The following PCDH9 variants were observed in gnomAD, a reference collection of about 807,000 sequenced individuals.
PCDH9 encodes protocadherin 9.
PCDH9 carries 24 observed loss-of-function variants against 70.6 expected under a neutral mutation model. The ratio of observed to expected loss-of-function variants is 0.34; its 90% CI spans 0.25 to 0.48. The LOEUF (loss-of-function observed/expected upper bound fraction) is 0.48, where lower values mean the gene tolerates loss of function less well. Among genes scored for constraint, PCDH9 ranks in the 20% least tolerant of loss-of-function variants. PCDH9 has a pLI of 0.99. For synonymous variants in PCDH9, 562 were observed against 558.5 expected (o/e 1.01, Z -0.09); for missense variants, 1,281 against 1,503.6 (o/e 0.85, Z 2.45).
At chr13:66,793,525 T>C (rs2080193449) in intron 3 of PCDH9, among the ~76,000 whole-genome samples, 1 of 152,166 alleles carries the variant, frequency 6.6e-6, no homozygotes, top group Non-Finnish European at 1.5e-5. Flanking sequence ...GAAATGTATC[T>C]AAACAACTTT....
chr13:66,785,968 G>T (rs1362678929), intron 3 of PCDH9, among the ~76,000 whole-genome samples: 2 of 152,008 alleles, frequency 1.3e-5, no homozygotes, highest in Non-Finnish European at 2.9e-5. Context: ...AAACAACTAG[G>T]TAACAATTTT....
chr13:66,765,389 G>T (rs1004192820), intron 3 of PCDH9, among the ~76,000 whole-genome samples: 1 of 151,896 alleles, frequency 6.6e-6, no homozygotes, highest in Non-Finnish European at 1.5e-5. Flanking sequence ...ACATGCTAAT[G>T]TCTTATACTT....
chr13:66,338,360 A>C (rs991842262), intron 4 of PCDH9, among the ~76,000 whole-genome samples: 1 of 152,044 alleles, frequency 6.6e-6, no homozygotes, highest in African/African-American at 2.4e-5. Context: ...ATCCCTAGTG[A>C]GTATTAATTT....
At chr13:66,989,791 TAAAG>T (rs2083965012) in intron 2 of PCDH9, among the ~76,000 whole-genome samples, 1 of 151,798 alleles carries the variant, frequency 6.6e-6, no homozygotes, top group African/African-American at 2.4e-5. Flanking sequence ...CAGAGAATAT[TAAAG>T]AACAGGGTGA....
chr13:67,020,178 T>A (rs2084647984), intron 2 of PCDH9, among the ~76,000 whole-genome samples: 1 of 152,062 alleles, frequency 6.6e-6, no homozygotes, highest in Non-Finnish European at 1.5e-5. Context: ...ACAAACAGAA[T>A]CTATCTATGG....
intron 2 of PCDH9, among the ~76,000 whole-genome samples, chr13:67,036,187 T>C (rs1046816762): frequency 6.6e-6 from 1 of 152,212 alleles, no homozygotes; most frequent in Non-Finnish European, 1.5e-5. Context: ...TCAGATACAA[T>C]TGTAGGAAGA....
chr13:66,642,031 G>T (rs2077715523), intron 3 of PCDH9, among the ~76,000 whole-genome samples: 1 of 151,774 alleles, frequency 6.6e-6, no homozygotes, highest in Non-Finnish European at 1.5e-5. Flanking sequence ...ATGTAAGTGA[G>T]GAATAAAATA....
chr13:66,689,444 G>C (rs1280808681), intron 3 of PCDH9, among the ~76,000 whole-genome samples: 2 of 152,154 alleles, frequency 1.3e-5, no homozygotes, highest in Admixed American at 6.5e-5. Context: ...TGGAGTACAT[G>C]ACAGCTTAGA....
At chr13:66,962,601 C>A (rs941784885) in intron 2 of PCDH9, among the ~76,000 whole-genome samples, 2 of 152,088 alleles carry the variant, frequency 1.3e-5, no homozygotes, top group Non-Finnish European at 2.9e-5. Flanking sequence ...GCAATCATAA[C>A]AAAGTGGTAT....
intron 4 of PCDH9, among the ~76,000 whole-genome samples, chr13:66,482,932 A>T (rs1958867344): frequency 6.6e-6 from 1 of 152,144 alleles, no homozygotes; most frequent in Non-Finnish European, 1.5e-5. Context: ...ACCTTTTTCT[A>T]AGGGCCTCTA....
At chr13:66,970,824 T>A (rs1427846171) in intron 2 of PCDH9, among the ~76,000 whole-genome samples, 3 of 151,920 alleles carry the variant, frequency 2.0e-5, no homozygotes, top group Non-Finnish European at 4.4e-5. Flanking sequence ...CCATTATACA[T>A]ACAAGTCACT....
intron 2 of PCDH9, among the ~76,000 whole-genome samples, chr13:66,942,003 G>A (rs553396078): frequency 2.8e-4 from 43 of 151,922 alleles, no homozygotes; most frequent in African/African-American, 9.9e-4. Flanking sequence ...AAAAATCAGC[G>A]ACAGAAGGAC....
intron 2 of PCDH9, among the ~76,000 whole-genome samples, chr13:67,136,203 T>C (rs2087228548): frequency 6.6e-6 from 1 of 152,136 alleles, no homozygotes; most frequent in Non-Finnish European, 1.5e-5. Context: ...TAGAATTCAG[T>C]ACAGTAACAT....
intron 4 of PCDH9, among the ~76,000 whole-genome samples, chr13:66,412,131 C>T (rs1957381023): frequency 6.6e-6 from 1 of 152,148 alleles, no homozygotes; most frequent in Non-Finnish European, 1.5e-5. Context: ...TCATAAAACT[C>T]TGAGTTTTGA....
At chr13:67,109,950 T>C (rs1487667430) in intron 2 of PCDH9, among the ~76,000 whole-genome samples, 1 of 152,134 alleles carries the variant, frequency 6.6e-6, no homozygotes, top group Non-Finnish European at 1.5e-5. Flanking sequence ...GAGTGACCAC[T>C]TATTATGTAT....
chr13:66,812,566 C>G (rs1057289123), intron 3 of PCDH9, among the ~76,000 whole-genome samples: 2 of 152,132 alleles, frequency 1.3e-5, no homozygotes, highest in Admixed American at 1.3e-4. Context: ...ATTTCACTGC[C>G]TAGGGCACTG....
intron 2 of PCDH9, chr13:67,214,933 CAGATATATATAT>C (rs2089555771): frequency 3.8e-5 from 1 of 26,130 alleles, no homozygotes; most frequent in African/African-American, 1.2e-4. Context: ...TATTGCGAGC[CAGATATATATAT>C]ATATATATAT....
intron 3 of PCDH9, among the ~76,000 whole-genome samples, chr13:66,864,808 C>T (rs2081543347): frequency 6.6e-6 from 1 of 152,126 alleles, no homozygotes; most frequent in Non-Finnish European, 1.5e-5. Context: ...TTTTGTGCAT[C>T]GTTTTAAAAA....
rs935612530 is a variant in PCDH9, at chr13:67,048,247, C to A, written c.3037-144642G>T. On this transcript the variant is annotated intron_variant, in intron 2 of 4. Coordinates refer to ENST00000377865, the MANE Select transcript of PCDH9 (RefSeq NM_203487.3). ...TAGTGGCTGAAAATGGCATGGAAAC[C>A]AGTGTTTAATAGCTTGACTGGGTAT... Among the ~76,000 whole-genome samples the A allele has an allele frequency of 2.0e-5, 3 of 152,268 alleles. No individual in the cohort carries two copies. The South Asian group carries it at 6.2e-4, about 32-fold the overall frequency.
Sources: allele counts gnomAD v4.1 joint callset (sites outside exome capture counted in the v4.1 genomes callset), GRCh38; gene constraint gnomAD v4.1.1; transcripts MANE v1.5; gene names NCBI Gene and HGNC (gene_info 2026-07-23, HGNC 2026-07-21).